The following NXPH1 variants were observed in gnomAD, a reference collection of about 807,000 sequenced individuals.
NXPH1 encodes neurexophilin-1.
Under a neutral mutation model 23.7 loss-of-function variants are expected in NXPH1, and 5 were observed. The ratio of observed to expected loss-of-function variants is 0.21; its 90% confidence interval spans 0.11 to 0.44. The LOEUF (loss-of-function observed/expected upper bound fraction) is 0.44, where lower values mean the gene tolerates loss of function less well. Ranked by LOEUF, NXPH1 falls within the 20% of genes least tolerant of loss-of-function variation. NXPH1 has a pLI of 0.99. For synonymous variants in NXPH1, 144 were observed against 122.2 expected (o/e 1.18, Z -1.18); for missense variants, 324 against 321.6 (o/e 1.01, Z -0.06).
At chr7:8,548,397 G>T (rs970779042) in intron 2 of NXPH1, among the ~76,000 whole-genome samples, 3 of 151,458 alleles carry the variant, frequency 2.0e-5, no homozygotes, top group Non-Finnish European at 4.4e-5. Flanking sequence ...TTTGTTAAAA[G>T]GAATCCAGAA....
At position 8,625,727 on chromosome 7, in the gene NXPH1, G is replaced by C. The variant is rs192351585; in HGVS notation, c.55-125281G>C. ...TTCTTAACAAAGCTTTCAGATCTTT[G>C]TTATCACACAAAGAGATAAAGAGTC... On this transcript the variant is annotated intron_variant, in intron 2 of 2. Coordinates refer to ENST00000405863, the MANE Select transcript of NXPH1 (RefSeq NM_152745.3). Among the ~76,000 whole-genome samples, 367 of 152,106 alleles carry C rather than the reference G, an allele frequency of 2.4e-3. 1 individual carries two copies. The highest frequency in any genetic ancestry group is 7.5e-3 in the South Asian group (36 of 4,814).
At chr7:8,472,763 T>G (rs1331644533) in intron 2 of NXPH1, among the ~76,000 whole-genome samples, 1 of 152,184 alleles carries the variant, frequency 6.6e-6, no homozygotes, top group Non-Finnish European at 1.5e-5. Flanking sequence ...CTGAAGGAAT[T>G]GACTCATTAG....
chr7:8,675,790 C>A (rs1820943005), intron 2 of NXPH1, among the ~76,000 whole-genome samples: 1 of 152,110 alleles, frequency 6.6e-6, no homozygotes, highest in African/African-American at 2.4e-5. Context: ...GATATGGAGG[C>A]CTTGCATGGA....
chr7:8,739,946 A>C (rs1375714450), intron 2 of NXPH1, among the ~76,000 whole-genome samples: 4 of 152,212 alleles, frequency 2.6e-5, no homozygotes, highest in Non-Finnish European at 1.5e-5. Flanking sequence ...TCCTGGGACC[A>C]CCATTGTATA....
intron 2 of NXPH1, among the ~76,000 whole-genome samples, chr7:8,567,735 C>T (rs1818569996): frequency 6.6e-6 from 1 of 151,828 alleles, no homozygotes; most frequent in Non-Finnish European, 1.5e-5. Context: ...TAGTTTCCTG[C>T]TAGTGTGGCT....
intron 2 of NXPH1, among the ~76,000 whole-genome samples, chr7:8,649,609 C>T (rs751923022): frequency 3.9e-5 from 6 of 152,126 alleles, no homozygotes; most frequent in Admixed American, 6.6e-5. Context: ...GCTTTATGTG[C>T]CTAGGTTCCA....
intron 2 of NXPH1, among the ~76,000 whole-genome samples, chr7:8,475,352 A>G (rs1584180469): frequency 6.6e-6 from 1 of 152,100 alleles, no homozygotes; most frequent in Non-Finnish European, 1.5e-5. Flanking sequence ...TAACTAAACC[A>G]TAAGGTTGAA....
chr7:8,644,282 G>T (rs1820361100), intron 2 of NXPH1, among the ~76,000 whole-genome samples: 1 of 152,212 alleles, frequency 6.6e-6, no homozygotes, highest in African/African-American at 2.4e-5. Flanking sequence ...TGACACAGCA[G>T]TTGCTGTTTG....
chr7:8,603,377 T>C (rs1819407622), intron 2 of NXPH1, among the ~76,000 whole-genome samples: 1 of 152,222 alleles, frequency 6.6e-6, no homozygotes. Flanking sequence ...CAATAGCCAC[T>C]ATCACCTTTT....
At chr7:8,492,183 A>T (rs1487537623) in intron 2 of NXPH1, among the ~76,000 whole-genome samples, 1 of 152,064 alleles carries the variant, frequency 6.6e-6, no homozygotes, top group Non-Finnish European at 1.5e-5. Context: ...GTGATCCGAC[A>T]TTAGAATTTT....
At chr7:8,538,057 G>A (rs551501894) in intron 2 of NXPH1, among the ~76,000 whole-genome samples, 17 of 151,994 alleles carry the variant, frequency 1.1e-4, no homozygotes, top group Admixed American at 6.6e-5. Context: ...CTTTGGCTAA[G>A]ATCAAGTGTA....
intron 2 of NXPH1, among the ~76,000 whole-genome samples, chr7:8,709,912 C>T (rs906439934): frequency 6.6e-6 from 1 of 152,156 alleles, no homozygotes; most frequent in Non-Finnish European, 1.5e-5. Context: ...CTTACTGCCT[C>T]AGGAATCCAT....
chr7:8,709,892 A>G (rs1378307329), intron 2 of NXPH1, among the ~76,000 whole-genome samples: 3 of 152,212 alleles, frequency 2.0e-5, no homozygotes, highest in Non-Finnish European at 2.9e-5. Context: ...CAGGCAGCCA[A>G]GTAGTTGAAC....
intron 2 of NXPH1, among the ~76,000 whole-genome samples, chr7:8,695,177 A>C (rs372178453): frequency 5.8e-4 from 88 of 152,366 alleles, no homozygotes; most frequent in African/African-American, 2.1e-3. Context: ...TGGTAGGTAC[A>C]TTGTGCTGTA....
intron 2 of NXPH1, among the ~76,000 whole-genome samples, chr7:8,462,334 A>G (rs1405688701): frequency 6.6e-6 from 1 of 152,220 alleles, no homozygotes; most frequent in Non-Finnish European, 1.5e-5. Context: ...GGCGTGAACC[A>G]CTGCACCCGA....
At chr7:8,576,132 C>T (rs1291056893) in intron 2 of NXPH1, among the ~76,000 whole-genome samples, 1 of 152,080 alleles carries the variant, frequency 6.6e-6, no homozygotes, top group Non-Finnish European at 1.5e-5. Flanking sequence ...CTTTTATTTG[C>T]TTTCTTTTTC....
At chr7:8,649,343 ATTTTG>A (rs1820452038) in intron 2 of NXPH1, among the ~76,000 whole-genome samples, 1 of 151,318 alleles carries the variant, frequency 6.6e-6, no homozygotes. Context: ...TTCAATGTTT[ATTTTG>A]TTTTACTTTT....
rs1434624298 is a variant in NXPH1 at position 8,434,537 on chromosome 7, C to T, written c.-329C>T. ...CACCGTGAATCCAACTGTGCCAAGC[C>T]TTGGCTCCCGCGAACCAATCCTGAG... On this transcript the variant is annotated 5_prime_UTR_variant, in exon 1 of 3. Coordinates refer to ENST00000405863, the MANE Select transcript of NXPH1 (RefSeq NM_152745.3). The surrounding 1 kb of genome is among the most constrained non-coding windows in gnomAD (Gnocchi z 7.6). 1 of 152,878 alleles carries T rather than the reference C, an allele frequency of 6.5e-6. No homozygotes were observed. The highest frequency in any genetic ancestry group is 2.4e-5 in the African/African-American group (1 of 41,472). 9.5% of individuals were successfully genotyped at this position (152,878 alleles called of 1,614,324 possible).
intron 2 of NXPH1, among the ~76,000 whole-genome samples, chr7:8,685,247 GTT>G (rs113333715): frequency 1.6e-4 from 22 of 141,778 alleles, no homozygotes; most frequent in African/African-American, 3.6e-4. Flanking sequence ...AGCCAAATGA[GTT>G]TTTTTTTTTT....
Sources: gnomAD v4.1 joint callset for allele counts (sites outside exome capture counted in the v4.1 genomes callset) on GRCh38, gnomAD v4.1.1 for gene constraint, Gnocchi (gnomAD v3.1) non-coding constraint, MANE v1.5 for transcripts, NCBI Gene and HGNC (gene_info 2026-07-23, HGNC 2026-07-21) for gene names.